Variants in CELF1 observed in about 807,000 individuals in gnomAD.
The protein encoded by CELF1 is 50 kDa nuclear polyadenylated RNA-binding protein.
In CELF1, 10 loss-of-function variants were observed where a neutral mutation model predicts 61.8. The ratio of observed to expected loss-of-function variants is 0.16; its 90% CI spans 0.10 to 0.27. The LOEUF is 0.27. Ranked by LOEUF, CELF1 falls within the 10% of genes least tolerant of loss-of-function variation. The pLI, the probability that CELF1 is intolerant of heterozygous loss-of-function variation, is 1.00. For missense variants in CELF1, 380 were observed against 639.1 expected (o/e 0.59, Z 4.37); for synonymous variants, 236 against 225.1 (o/e 1.05, Z -0.43).
intron 9 of CELF1, among the ~76,000 whole-genome samples, chr11:47,480,059 T>C (rs1485940549): frequency 1.3e-5 from 2 of 150,464 alleles, no homozygotes; most frequent in East Asian, 3.9e-4. Flanking sequence ...TGATGTACTA[T>C]CACACAGTCC....
chr11:47,541,795 A>G (rs1425806488), intron 1 of CELF1, among the ~76,000 whole-genome samples: 2 of 126,776 alleles, frequency 1.6e-5, no homozygotes, highest in African/African-American at 5.8e-5. Context: ...AGAAAGAACG[A>G]AAGAAAGAAA....
chr11:47,481,187 CTGCAACCTCCGCTCAG>C lies in CELF1; in HGVS notation c.768+1492_768+1507del, dbSNP rs1274421717. Among the ~76,000 whole-genome samples, 83 of 131,296 alleles carry C rather than the reference CTGCAACCTCCGCTCAG, an allele frequency of 6.3e-4. 1 individual carries two copies. The highest frequency in any genetic ancestry group is 1.1e-3 in the South Asian group (4 of 3,766). 86.1% of individuals were successfully genotyped at this position (131,296 alleles called of 152,430 possible). On this transcript the variant is annotated intron_variant, in intron 9 of 14. Coordinates refer to ENST00000687097, the MANE Select transcript of CELF1 (RefSeq NM_001376376.1). Reference sequence around the variant, plus strand: ...AGTGCAATGGTGCGATCTTGGCTCACTGCAACCTCCGCTCAGTGCAACCTCCGCCTCCCAGGTTCAA... The same window carrying C: ...AGTGCAATGGTGCGATCTTGGCTCACTGCAACCTCCGCCTCCCAGGTTCAA...
chr11:47,558,560 AT>A (rs1189554591), intron 2 of CELF1, among the ~76,000 whole-genome samples: 28 of 114,886 alleles, frequency 2.4e-4, no homozygotes, highest in African/African-American at 8.8e-4. Flanking sequence ...ATATATATTT[AT>A]ATATAATATA....
At chr11:47,553,143 C>G (rs1209674926), upstream of CELF1, 8 of 395,228 alleles carry the variant, frequency 2.0e-5, no homozygotes, top group Non-Finnish European at 3.1e-5. Flanking sequence ...CCCAAAATGG[C>G]GGCACTTCCG....
chr11:47,530,872 T>C (rs562129262), intron 1 of CELF1, among the ~76,000 whole-genome samples: 16 of 152,148 alleles, frequency 1.1e-4, no homozygotes, highest in Admixed American at 7.2e-4. Flanking sequence ...GGAGGATTGC[T>C]TGAGCCCACG....
At chr11:47,526,479 G>A (rs929580493) in intron 1 of CELF1, among the ~76,000 whole-genome samples, 1 of 152,166 alleles carries the variant, frequency 6.6e-6, no homozygotes, top group African/African-American at 2.4e-5. Flanking sequence ...GCTTATGGAA[G>A]CAAAATTATA....
chr11:47,553,426 A>C (rs957661100), upstream of CELF1, among the ~76,000 whole-genome samples: 3 of 152,182 alleles, frequency 2.0e-5, no homozygotes, highest in Admixed American at 6.5e-5. Flanking sequence ...AGGCCTGGGA[A>C]TCTGAAGTTC....
chr11:47,472,556 G>GT (rs892386635), intron 14 of CELF1, among the ~76,000 whole-genome samples, 199 bp from the exon 15 acceptor site: 3 of 152,228 alleles, frequency 2.0e-5, no homozygotes, highest in African/African-American at 7.2e-5. Context: ...TAATTTAAAG[G>GT]TTTTTTTCTT....
intron 6 of CELF1, among the ~76,000 whole-genome samples, chr11:47,484,973 C>G (rs1469297377): frequency 6.6e-6 from 1 of 152,154 alleles, no homozygotes; most frequent in Non-Finnish European, 1.5e-5. Context: ...CCACCACGCC[C>G]GGCTTCACGT....
intron 1 of CELF1, among the ~76,000 whole-genome samples, chr11:47,538,381 C>T (rs1427047035): frequency 2.6e-5 from 4 of 152,152 alleles, no homozygotes; most frequent in South Asian, 4.1e-4. Context: ...TGGTGGCTCA[C>T]GCCTCTAATC....
At chr11:47,518,305 G>C (rs897789724) in intron 1 of CELF1, among the ~76,000 whole-genome samples, 1 of 152,152 alleles carries the variant, frequency 6.6e-6, no homozygotes, top group African/African-American at 2.4e-5. Flanking sequence ...TATTTACAAA[G>C]TCTGAAGCTA....
chr11:47,509,402 A>G (rs1474995280), intron 1 of CELF1, among the ~76,000 whole-genome samples: 2 of 152,118 alleles, frequency 1.3e-5, no homozygotes, highest in Non-Finnish European at 2.9e-5. Context: ...AAAAGCTAAG[A>G]GGGGGGCTGG....
chr11:47,470,488 C>T lies in CELF1; in HGVS notation c.*1742G>A, dbSNP rs950014827. 6.6e-6 allele frequency: 1 copy of T among 152,078 alleles called. No individual in the cohort carries two copies. Among genetic ancestry groups the T allele is most frequent in the Non-Finnish European group, 1.5e-5 (1 of 68,020 alleles). The allele number at this position is 152,078 out of a possible 1,614,324, so 9.4% of individuals were successfully genotyped here. ...CACGTTCCTTAGAGGACAACAGACC[C>T]AAGTTATCACTATGAGAAAGGAACA... On this transcript the variant is annotated 3_prime_UTR_variant, in exon 15 of 15. Coordinates refer to ENST00000687097, the MANE Select transcript of CELF1 (RefSeq NM_001376376.1).
chr11:47,552,407 C>T (rs1482295986), intron 1 of CELF1, among the ~76,000 whole-genome samples: 2 of 152,260 alleles, frequency 1.3e-5, no homozygotes, highest in Non-Finnish European at 2.9e-5. Flanking sequence ...GTGCGAGATT[C>T]CTGCCCAGCT....
intron 1 of CELF1, among the ~76,000 whole-genome samples, chr11:47,548,126 C>A (rs1054462033): frequency 6.6e-6 from 1 of 151,944 alleles, no homozygotes; most frequent in African/African-American, 2.4e-5. Flanking sequence ...TGGTGAAACC[C>A]CGTCTCTACT....
At chr11:47,495,709 T>C (rs1012578061) in intron 3 of CELF1, among the ~76,000 whole-genome samples, 2 of 152,194 alleles carry the variant, frequency 1.3e-5, no homozygotes, top group Non-Finnish European at 2.9e-5. Flanking sequence ...CTAGGTCTTC[T>C]AGCTGCAGAG....
At chr11:47,502,186 A>G (rs1165892131) in intron 1 of CELF1, among the ~76,000 whole-genome samples, 1 of 152,236 alleles carries the variant, frequency 6.6e-6, no homozygotes, top group African/African-American at 2.4e-5. Flanking sequence ...AGCAGGGCCC[A>G]TAAATTCTCT....
In CELF1 at chr11:47,473,073, G is replaced by A; in HGVS notation, c.1417+15C>T. Reference sequence around the variant, plus strand: ...ATACTAATCCCATCCTGACACCAGAGAGAAGCCAACATACCAAAACACTTG... The same window carrying A: ...ATACTAATCCCATCCTGACACCAGAAAGAAGCCAACATACCAAAACACTTG... On this transcript the variant is annotated intron_variant, in intron 14 of 14. Coordinates refer to ENST00000687097, the MANE Select transcript of CELF1 (RefSeq NM_001376376.1). 6.2e-7 allele frequency: 1 copy of A among 1,612,612 alleles called. No homozygotes were observed. Among genetic ancestry groups the A allele is most frequent in the Non-Finnish European group, 8.5e-7 (1 of 1,179,322 alleles).
rs559414745 is a variant in CELF1, at chr11:47,531,474, TAGG to T, written c.-154+21515_-154+21517del. Among the ~76,000 whole-genome samples, 29 of 151,790 alleles carry T rather than the reference TAGG, an allele frequency of 1.9e-4. No individual in the cohort carries two copies. The East Asian group carries it at 5.2e-3, about 27-fold the overall frequency. The stretch of plus-strand genomic sequence containing the variant: ...GTCTCAGCTACTCTGGGGGCTGAGG[TAGG>T]AGAATTGCTTGAATCTGGGAGGCAG... On this transcript the variant is annotated intron_variant, in intron 1 of 14. Transcript: ENST00000687097.
Sources: allele counts gnomAD v4.1 joint callset (sites outside exome capture counted in the v4.1 genomes callset), GRCh38; gene constraint gnomAD v4.1.1; transcripts MANE v1.5; gene names NCBI Gene and HGNC (gene_info 2026-07-23, HGNC 2026-07-21).